Variants in ZNF385B observed in about 807,000 individuals in gnomAD.
ZNF385B encodes the protein zinc finger protein 385B, also known as zinc finger protein 533.
A neutral mutation model predicts 39.2 loss-of-function variants in ZNF385B; 23 were observed. The ratio of observed to expected loss-of-function variants is 0.59; its 90% confidence interval spans 0.42 to 0.83. The LOEUF is 0.83. Ranked by LOEUF, ZNF385B falls within the 40% of genes least tolerant of loss-of-function variation. ZNF385B has a pLI of 0.00. For missense variants in ZNF385B, 552 were observed against 598.9 expected, an observed-to-expected ratio of 0.92 and a Z score of 0.82; for synonymous variants, 205 against 222.6, an observed-to-expected ratio of 0.92 and a Z score of 0.70.
At chr2:179,629,708 T>C (rs1384524941) in intron 3 of ZNF385B, among the ~76,000 whole-genome samples, 1 of 152,124 alleles carries the variant, frequency 6.6e-6, no homozygotes, top group Non-Finnish European at 1.5e-5. Flanking sequence ...CAAAGCAGGG[T>C]GGGGCATCAC....
intron 1 of ZNF385B, among the ~76,000 whole-genome samples, chr2:179,826,265 T>C (rs1263396840): frequency 6.6e-6 from 1 of 152,166 alleles, no homozygotes; most frequent in African/African-American, 2.4e-5. Context: ...AGGAGTATTT[T>C]AACAAAGACT....
intron 4 of ZNF385B, among the ~76,000 whole-genome samples, chr2:179,527,160 G>A (rs1198527915): frequency 2.6e-5 from 4 of 152,180 alleles, no homozygotes; most frequent in Admixed American, 1.3e-4. Context: ...TCTAATAGCT[G>A]CTGAAATTAA....
chr2:179,677,066 T>C (rs1559076756), intron 3 of ZNF385B, among the ~76,000 whole-genome samples: 1 of 152,156 alleles, frequency 6.6e-6, no homozygotes, highest in South Asian at 2.1e-4. Context: ...AAAGCAGTCA[T>C]GAAATACATA....
chr2:179,442,582 A>T lies in ZNF385B; in HGVS notation c.*668T>A, dbSNP rs1348367812. 1 of 152,738 alleles carries T rather than the reference A, an allele frequency of 6.5e-6. No homozygotes were observed. The highest frequency in any genetic ancestry group is 1.9e-4 in the East Asian group (1 of 5,204). The allele number at this position is 152,738 out of a possible 1,614,324, so 9.5% of individuals were successfully genotyped here. A position where few individuals can be genotyped will look rare whatever the true frequency, so the allele number is the denominator to read the frequency against. ...TTTATCTTTTATTCTCTTACAGAGA[A>T]AATTCAAAGCTACTTTGCTTCCTAA... is the stretch of plus-strand genomic sequence containing the variant. On this transcript the variant is annotated 3_prime_UTR_variant, in exon 10 of 10. Coordinates refer to ENST00000410066, the MANE Select transcript of ZNF385B (RefSeq NM_152520.6).
intron 3 of ZNF385B, among the ~76,000 whole-genome samples, chr2:179,733,983 TACAA>T (rs1175394038): frequency 6.6e-6 from 1 of 152,124 alleles, no homozygotes; most frequent in Non-Finnish European, 1.5e-5. Context: ...CATACACACA[TACAA>T]ACATACACAC....
At chr2:179,673,272 G>A (rs909343534) in intron 3 of ZNF385B, among the ~76,000 whole-genome samples, 1 of 152,074 alleles carries the variant, frequency 6.6e-6, no homozygotes, top group African/African-American at 2.4e-5. Flanking sequence ...TCAACCCATG[G>A]CTTGAAGTTC....
intron 1 of ZNF385B, among the ~76,000 whole-genome samples, chr2:179,835,809 C>T (rs1708217521): frequency 6.6e-6 from 1 of 152,026 alleles, no homozygotes; most frequent in African/African-American, 2.4e-5. Flanking sequence ...CTTTCTCTGA[C>T]ACCAATTCTA....
intron 3 of ZNF385B, among the ~76,000 whole-genome samples, chr2:179,645,429 T>A (rs1302281947): frequency 6.6e-6 from 1 of 152,218 alleles, no homozygotes; most frequent in African/African-American, 2.4e-5. Context: ...CTTTTATGTA[T>A]TTTGATGTAC....
At chr2:179,715,061 C>T (rs1194189996) in intron 3 of ZNF385B, among the ~76,000 whole-genome samples, 1 of 151,740 alleles carries the variant, frequency 6.6e-6, no homozygotes, top group Non-Finnish European at 1.5e-5. Flanking sequence ...CATGCACATC[C>T]AAGTCATCTG....
At chr2:179,693,634 G>A (rs1228364515) in intron 3 of ZNF385B, among the ~76,000 whole-genome samples, 3 of 152,124 alleles carry the variant, frequency 2.0e-5, no homozygotes, top group Non-Finnish European at 4.4e-5. Flanking sequence ...TTGGTGTCCT[G>A]CTCCAGAGAG....
intron 3 of ZNF385B, among the ~76,000 whole-genome samples, chr2:179,553,268 C>T (rs1340051549): frequency 6.7e-6 from 1 of 148,670 alleles, no homozygotes; most frequent in African/African-American, 2.5e-5. Flanking sequence ...ACTTAAATAA[C>T]CAAGATATAT....
chr2:179,559,386 A>T (rs547054929), intron 3 of ZNF385B, among the ~76,000 whole-genome samples: 1 of 152,212 alleles, frequency 6.6e-6, no homozygotes, highest in South Asian at 2.1e-4. Flanking sequence ...AAACTCTGCC[A>T]TTCTCCTGAC....
Position 179,552,739 on chromosome 2 carries a change from G to A in ZNF385B, c.299-7770C>T, listed in dbSNP as rs575286457. On this transcript the variant is annotated intron_variant, in intron 3 of 9. Coordinates refer to ENST00000410066, the MANE Select transcript of ZNF385B (RefSeq NM_152520.6). ...GACTATCAAAGCATGGCCACTAAGA[G>A]GTGGCTATATGAATAGGGGAGGTGA... Among the ~76,000 whole-genome samples the A allele has an allele frequency of 1.2e-4, 18 of 149,158 alleles. 3 individuals carry two copies. Among genetic ancestry groups the A allele is most frequent in the African/African-American group, 4.3e-4 (17 of 39,614 alleles).
chr2:179,703,831 T>C (rs890694097), intron 3 of ZNF385B, among the ~76,000 whole-genome samples: 5 of 152,226 alleles, frequency 3.3e-5, no homozygotes, highest in Admixed American at 3.3e-4. Context: ...TGGGAAGTTG[T>C]AAACACACAT....
At chr2:179,760,223 C>CGCGTGTGTGTGT (rs11282329) in intron 3 of ZNF385B, among the ~76,000 whole-genome samples, 48 of 144,550 alleles carry the variant, frequency 3.3e-4, no homozygotes, top group African/African-American at 1.1e-3. Flanking sequence ...TTCCTGTGTG[C>CGCGTGTGTGTGT]GTGTGTGTGT....
At chr2:179,769,395 G>A (rs1703882949) in intron 3 of ZNF385B, 108 bp downstream of exon 3, 1 of 1,490,492 alleles carries the variant, frequency 6.7e-7, no homozygotes, top group African/African-American at 1.4e-5. Context: ...ATGTTATCAT[G>A]GTAGCCCAGT....
chr2:179,696,326 C>CTTTTTTGTTTTTTTTTTTTTTTTT (rs1698746148), intron 3 of ZNF385B, among the ~76,000 whole-genome samples: 1 of 40,354 alleles, frequency 2.5e-5, no homozygotes, highest in Non-Finnish European at 4.1e-5. Context: ...CAAACTGGGA[C>CTTTTTTGTTTTTTTTTTTTTTTTT]TTTTTTTTTT....
At chr2:179,573,957 T>C (rs575076197) in intron 3 of ZNF385B, among the ~76,000 whole-genome samples, 55 of 152,330 alleles carry the variant, frequency 3.6e-4, no homozygotes, top group African/African-American at 1.3e-3. Flanking sequence ...TGATAAAAAG[T>C]ATAGCATTAT....
At chr2:179,565,699 C>T (rs1684481733) in intron 3 of ZNF385B, among the ~76,000 whole-genome samples, 2 of 152,162 alleles carry the variant, frequency 1.3e-5, no homozygotes, top group African/African-American at 4.8e-5. Flanking sequence ...TGCTGTCATG[C>T]CTCCCAGGAT....
Sources: allele counts gnomAD v4.1 joint callset (sites outside exome capture counted in the v4.1 genomes callset), GRCh38; gene constraint gnomAD v4.1.1; transcripts MANE v1.5; gene names NCBI Gene and HGNC (gene_info 2026-07-23, HGNC 2026-07-21).